SCIN: variants seen among roughly 807,000 people sequenced by gnomAD.
SCIN encodes scinderin.
In SCIN, 91 loss-of-function variants were observed where a neutral mutation model predicts 91.8. That is an observed-to-expected ratio of 0.99 (90% CI 0.84 to 1.18). The LOEUF (loss-of-function observed/expected upper bound fraction) is 1.18. Among genes scored for constraint, SCIN ranks in the 50% most tolerant of loss-of-function variants. The pLI, the probability that SCIN is intolerant of heterozygous loss-of-function variation, is 0.00. For missense variants in SCIN, 1,087 were observed against 863.9 expected (o/e 1.26, Z -3.24); for synonymous variants, 367 against 312.6 (o/e 1.17, Z -1.84).
Position 12,658,016 on chromosome 7 carries a change from A to T in SCIN, c.*5301A>T, listed in dbSNP as rs1784203368. ...TAATAAAAATGACACCTTTACTAAA[A>T]ATGTCTCATCATAAATTGTTTTCCA... On this transcript the variant is annotated 3_prime_UTR_variant, in exon 16 of 16. Coordinates refer to ENST00000297029, the MANE Select transcript of SCIN (RefSeq NM_001112706.3). 1 of 152,138 alleles carries T rather than the reference A, an allele frequency of 6.6e-6. No homozygotes were observed. The highest frequency in any genetic ancestry group is 1.5e-5 in the Non-Finnish European group (1 of 68,024). 9.4% of individuals were successfully genotyped at this position (152,138 alleles called of 1,614,324 possible).
chr7:12,636,563 G>A (rs1268341971), intron 10 of SCIN, among the ~76,000 whole-genome samples: 6 of 152,106 alleles, frequency 3.9e-5, no homozygotes, highest in Admixed American at 2.0e-4. Context: ...AATTAAGGTC[G>A]GAGATGGAGT....
chr7:12,582,645 T>C (rs1782510818), intron 3 of SCIN, among the ~76,000 whole-genome samples: 1 of 152,176 alleles, frequency 6.6e-6, no homozygotes, highest in Admixed American at 6.5e-5. Context: ...GGGAAAGTCC[T>C]TTTCAACTTC....
chr7:12,643,568 A>C (rs1783896903), intron 11 of SCIN, among the ~76,000 whole-genome samples: 1 of 152,168 alleles, frequency 6.6e-6, no homozygotes, highest in South Asian at 2.1e-4. Flanking sequence ...TCCAACAGCC[A>C]TTCCTTCCAC....
At chr7:12,582,703 C>A (rs145324970) in intron 3 of SCIN, among the ~76,000 whole-genome samples, 116 of 152,246 alleles carry the variant, frequency 7.6e-4, no homozygotes, top group African/African-American at 2.7e-3. Context: ...ACTCTCATAT[C>A]TAGGCAGAAT....
At chr7:12,636,695 G>A (rs1400131171) in intron 10 of SCIN, among the ~76,000 whole-genome samples, 1 of 152,168 alleles carries the variant, frequency 6.6e-6, no homozygotes, top group East Asian at 1.9e-4. Context: ...GAGGGATGCA[G>A]CATGGGAAAG....
chr7:12,593,830 A>G (rs1249317594), intron 3 of SCIN, among the ~76,000 whole-genome samples: 1 of 150,674 alleles, frequency 6.6e-6, no homozygotes, highest in Non-Finnish European at 1.5e-5. Context: ...GATCCTGCTG[A>G]TGAAGGTCAT....
intron 1 of SCIN, among the ~76,000 whole-genome samples, chr7:12,575,668 A>G (rs1253923659): frequency 1.3e-5 from 2 of 152,204 alleles, no homozygotes; most frequent in Non-Finnish European, 2.9e-5. Context: ...AACATAATAT[A>G]AAATAACACG....
chr7:12,603,054 C>G (rs1782990522), intron 3 of SCIN, among the ~76,000 whole-genome samples: 1 of 152,146 alleles, frequency 6.6e-6, no homozygotes, highest in African/African-American at 2.4e-5. Context: ...TCCCTGACTT[C>G]CCGCAACAGT....
rs1464231490 is a variant in SCIN, at chr7:12,656,275, A to G, written c.*3560A>G. On this transcript the variant is annotated 3_prime_UTR_variant, in exon 16 of 16. Coordinates refer to ENST00000297029, the MANE Select transcript of SCIN (RefSeq NM_001112706.3). ...TCCCAATCATTCTCCAAAGCTATAT[A>G]CTGTGAATTTATACTGTTGTGTAGT... 2 of 152,188 alleles carry G rather than the reference A, an allele frequency of 1.3e-5. No individual in the cohort carries two copies. Among genetic ancestry groups the G allele is most frequent in the Non-Finnish European group, 2.9e-5 (2 of 68,042 alleles). The allele number at this position is 152,188 out of a possible 1,614,324, so 9.4% of individuals were successfully genotyped here.
chr7:12,611,922 C>G (rs1783200107), intron 4 of SCIN, among the ~76,000 whole-genome samples: 1 of 100,750 alleles, frequency 9.9e-6, no homozygotes, highest in African/African-American at 3.1e-5. Flanking sequence ...AACCCTGTCT[C>G]TTAAAATAAA....
intron 9 of SCIN, among the ~76,000 whole-genome samples, chr7:12,630,181 A>C (rs1254953191): frequency 6.6e-6 from 1 of 151,848 alleles, no homozygotes; most frequent in Non-Finnish European, 1.5e-5. Context: ...GGTCATCCAC[A>C]CTGCCCAGTG....
At chr7:12,609,580 A>G (rs1783150163) in intron 4 of SCIN, among the ~76,000 whole-genome samples, 1 of 152,214 alleles carries the variant, frequency 6.6e-6, no homozygotes, top group Admixed American at 6.5e-5. Context: ...TCATTAAGAA[A>G]AAAACCCAGC....
At chr7:12,631,459 T>C (rs1346549954) in intron 9 of SCIN, among the ~76,000 whole-genome samples, 1 of 152,214 alleles carries the variant, frequency 6.6e-6, no homozygotes, top group African/African-American at 2.4e-5. Flanking sequence ...AGAACTCATG[T>C]TGAAACTTAA....
At chr7:12,623,602 T>A (rs1046125402) in intron 5 of SCIN, among the ~76,000 whole-genome samples, 3 of 152,182 alleles carry the variant, frequency 2.0e-5, no homozygotes, top group Admixed American at 6.6e-5. Context: ...TACAGTGGTA[T>A]TCTTCCAGTG....
At chr7:12,578,299 T>C (rs1782417223) in intron 2 of SCIN, 81 bp downstream of exon 2, 1 of 1,301,568 alleles carries the variant, frequency 7.7e-7, no homozygotes, top group African/African-American at 1.5e-5. Context: ...AGAATGACAG[T>C]TCGTTGAGGG....
intron 13 of SCIN, among the ~76,000 whole-genome samples, chr7:12,646,939 T>A (rs767118189): frequency 3.3e-5 from 5 of 152,224 alleles, no homozygotes; most frequent in Non-Finnish European, 7.3e-5. Context: ...CACAATTTGC[T>A]CACCTACTTT....
At chr7:12,605,512 A>G (rs966048612) in intron 4 of SCIN, among the ~76,000 whole-genome samples, 10 of 152,100 alleles carry the variant, frequency 6.6e-5, no homozygotes, top group African/African-American at 2.4e-4. Context: ...TATCTTGGGG[A>G]TGGGAGTCAA....
At position 12,651,640 on chromosome 7, in the gene SCIN, A is replaced by T. The variant is rs537337751; in HGVS notation, c.1960-201A>T. 6.6e-6 allele frequency among the ~76,000 whole-genome samples: 1 copy of T among 152,192 alleles called. No homozygotes were observed. The highest frequency in any genetic ancestry group is 1.9e-4 in the East Asian group (1 of 5,176). ...TGAAATCTGAAGTGAAACAGGCTGG[A>T]TGTAGATTTAGGTGTCTCCTGATGA... On this transcript the variant is annotated intron_variant, in intron 14 of 15. Coordinates refer to ENST00000297029, the MANE Select transcript of SCIN (RefSeq NM_001112706.3). The surrounding 1 kb of genome is among the most constrained non-coding windows in gnomAD (Gnocchi z 5.9).
rs114732039 is a variant in SCIN, at chr7:12,574,557, C to G, written c.200-3507C>G. Among the ~76,000 whole-genome samples the G allele has an allele frequency of 9.9e-5, 15 of 152,086 alleles. No individual in the cohort carries two copies. The South Asian group carries it at 3.1e-3, about 32-fold the overall frequency. ...GAGTACAAGTAAAACTGAGAAAATA[C>G]GAATAAAATAGGTGGATTATATCAA... On this transcript the variant is annotated intron_variant, in intron 1 of 15. Transcript: ENST00000297029.
Sources: allele counts gnomAD v4.1 joint callset (sites outside exome capture counted in the v4.1 genomes callset), GRCh38; gene constraint gnomAD v4.1.1; non-coding constraint Gnocchi (gnomAD v3.1); transcripts MANE v1.5; gene names NCBI Gene and HGNC (gene_info 2026-07-23, HGNC 2026-07-21).